RIN2: variants seen among roughly 807,000 people sequenced by gnomAD.
The protein encoded by RIN2 is Ras and Rab interactor 2.
In RIN2, 36 loss-of-function variants were observed where a neutral mutation model predicts 78.0. The ratio of observed to expected loss-of-function variants is 0.46; its 90% confidence interval spans 0.35 to 0.61. RIN2 has a LOEUF of 0.61. Ranked by LOEUF, RIN2 falls within the 20% of genes least tolerant of loss-of-function variation. The probability of loss-of-function intolerance (pLI) is 0.00; values close to 1 mark genes in which losing one functional copy is unlikely to be tolerated. For synonymous variants in RIN2, 466 were observed against 466.8 expected, an observed-to-expected ratio of 1.00 and a Z score of 0.02; for missense variants, 1,087 against 1,159.7, an observed-to-expected ratio of 0.94 and a Z score of 0.91.
chr20:19,763,084 T>A (rs2033710064), intron 1 of RIN2, among the ~76,000 whole-genome samples: 1 of 152,150 alleles, frequency 6.6e-6, no homozygotes, highest in African/African-American at 2.4e-5. Flanking sequence ...ATTTTTAACC[T>A]GTTGAGTTTA....
intron 7 of RIN2, among the ~76,000 whole-genome samples, chr20:19,970,431 T>G (rs1444603297): frequency 1.3e-5 from 2 of 152,208 alleles, no homozygotes; most frequent in East Asian, 3.8e-4. Flanking sequence ...TTCATCTCGG[T>G]TTAGGATTCC....
intron 10 of RIN2, among the ~76,000 whole-genome samples, chr20:19,990,989 A>G (rs781034583): frequency 6.6e-6 from 1 of 152,228 alleles, no homozygotes; most frequent in Admixed American, 6.5e-5. Flanking sequence ...CTGTAGATGC[A>G]GGGGTAACCA....
chr20:19,854,292 A>G (rs2037091448), intron 2 of RIN2, among the ~76,000 whole-genome samples: 1 of 152,336 alleles, frequency 6.6e-6, no homozygotes, highest in South Asian at 2.1e-4. Flanking sequence ...GCCTTGTAGT[A>G]TAGTTTGAAG....
intron 1 of RIN2, among the ~76,000 whole-genome samples, chr20:19,777,729 T>G (rs1419906037): frequency 2.0e-5 from 3 of 152,278 alleles, no homozygotes; most frequent in Non-Finnish European, 1.5e-5. Context: ...ATTTCTCTGG[T>G]TTAGTTTTCA....
chr20:19,844,664 T>G (rs1356673803), intron 2 of RIN2, among the ~76,000 whole-genome samples: 1 of 106,532 alleles, frequency 9.4e-6, no homozygotes, highest in African/African-American at 3.3e-5. Flanking sequence ...CTTCTTCTTC[T>G]TCTTCCTTCT....
Position 19,975,826 on chromosome 20 carries a change from ACT to A in RIN2, c.1762+42_1762+43del, listed in dbSNP as rs1568692341. ...TTTTTAAAATATAAAATCTATTGTA[ACT>A]CTGTCCGGGCAGTGCAACCTATGTT... On this transcript the variant is annotated intron_variant, in intron 9 of 12. Coordinates refer to ENST00000255006, the MANE Select transcript of RIN2 (RefSeq NM_018993.4). This position sits in a 1 kb window ranked among gnomAD's most constrained non-coding sequence, Gnocchi z 4.9. 6.5e-7 allele frequency: 1 copy of A among 1,542,562 alleles called. No individual in the cohort carries two copies. Among genetic ancestry groups the A allele is most frequent in the South Asian group, 1.2e-5 (1 of 84,510 alleles).
At chr20:19,935,077 T>C (rs1164134221) in intron 3 of RIN2, 22 bp from the exon 4 acceptor site, 1 of 1,562,222 alleles carries the variant, frequency 6.4e-7, no homozygotes, top group African/African-American at 1.4e-5. Context: ...CCTGACGTCA[T>C]ACTATTTTTG....
chr20:19,790,163 T>C (rs2034843649), intron 1 of RIN2, among the ~76,000 whole-genome samples: 1 of 152,182 alleles, frequency 6.6e-6, no homozygotes, highest in African/African-American at 2.4e-5. Context: ...TATTCATTTG[T>C]CTCTAGTAAT....
At chr20:19,788,432 C>CAAAAAAAAAAAAAAAAAAAAA (rs1224663738) in intron 1 of RIN2, among the ~76,000 whole-genome samples, 9 of 53,724 alleles carry the variant, frequency 1.7e-4, no homozygotes, top group African/African-American at 6.6e-4. Flanking sequence ...CTGTCTCTGC[C>CAAAAAAAAAAAAAAAAAAAAA]AAAAAAAAAA....
At chr20:19,911,199 C>T (rs1462233937) in intron 3 of RIN2, among the ~76,000 whole-genome samples, 1 of 151,986 alleles carries the variant, frequency 6.6e-6, no homozygotes, top group African/African-American at 2.4e-5. Context: ...TACAGGCATG[C>T]ACCACCTTGC....
chr20:19,871,845 A>G (rs146604022), intron 2 of RIN2: 1 of 152,304 alleles, frequency 6.6e-6, no homozygotes, highest in Non-Finnish European at 1.5e-5. Context: ...GTTTATTTCA[A>G]TGATGTTTAT....
At chr20:19,782,018 CTGTTTTAT>C (rs1341713380) in intron 1 of RIN2, among the ~76,000 whole-genome samples, 4 of 152,156 alleles carry the variant, frequency 2.6e-5, no homozygotes, top group African/African-American at 9.7e-5. Context: ...ATTGAAAAAT[CTGTTTTAT>C]TGTTTGAGGT....
At chr20:19,788,044 ATACT>A (rs1211215014) in intron 1 of RIN2, among the ~76,000 whole-genome samples, 1 of 152,218 alleles carries the variant, frequency 6.6e-6, no homozygotes. Flanking sequence ...TAGATTAAAA[ATACT>A]TAGTGCGATC....
intron 2 of RIN2, among the ~76,000 whole-genome samples, chr20:19,883,032 G>T (rs2123448629): frequency 6.6e-6 from 1 of 152,294 alleles, no homozygotes; most frequent in Non-Finnish European, 1.5e-5. Flanking sequence ...TGACGGCTCA[G>T]AACCCTTACC....
At chr20:19,951,927 C>A (rs1392968974) in intron 4 of RIN2, among the ~76,000 whole-genome samples, 2 of 152,144 alleles carry the variant, frequency 1.3e-5, no homozygotes, top group South Asian at 4.1e-4. Flanking sequence ...CATGCAGACA[C>A]CTTTCTTAGA....
At chr20:19,823,714 G>T in intron 2 of RIN2, 1 of 1,588,390 alleles carries the variant, frequency 6.3e-7, no homozygotes, top group East Asian at 2.2e-5. Context: ...CATGGCAGAG[G>T]CAGAAGGCAC....
At chr20:19,890,537 G>A (rs2038399732) in intron 3 of RIN2, among the ~76,000 whole-genome samples, 2 of 152,070 alleles carry the variant, frequency 1.3e-5, no homozygotes, top group South Asian at 4.2e-4. Flanking sequence ...GGAAGACGGA[G>A]GAGATTTTAT....
intron 2 of RIN2, among the ~76,000 whole-genome samples, chr20:19,883,065 C>G (rs2038073807): frequency 6.6e-6 from 1 of 152,152 alleles, no homozygotes; most frequent in Non-Finnish European, 1.5e-5. Context: ...CAAGGGTCAA[C>G]TGTATGCAGA....
Position 19,975,795 on chromosome 20 carries a change from C to A in RIN2, c.1762+8C>A, listed in dbSNP as rs773518732. ...TCCCTGAAGACCAAATAGGTAAGTA[C>A]CCTCTTTTTTAAAATATAAAATCTA... On this transcript the variant is annotated splice_region_variant and intron_variant, in intron 9 of 12. Coordinates refer to ENST00000255006, the MANE Select transcript of RIN2 (RefSeq NM_018993.4). The surrounding 1 kb of genome is among the most constrained non-coding windows in gnomAD (Gnocchi z 4.9). The A allele has an allele frequency of 3.8e-6, 6 of 1,595,028 alleles. No individual in the cohort carries two copies. The African/African-American group carries it at 5.4e-5, about 14-fold the overall frequency.
Sources: gnomAD v4.1 joint callset for allele counts (sites outside exome capture counted in the v4.1 genomes callset) on GRCh38, gnomAD v4.1.1 for gene constraint, Gnocchi (gnomAD v3.1) non-coding constraint, MANE v1.5 for transcripts, NCBI Gene and HGNC (gene_info 2026-07-23, HGNC 2026-07-21) for gene names.